Variants in SYCP1 observed in about 807,000 individuals in gnomAD.
SYCP1 encodes the protein synaptonemal complex protein 1.
Under a neutral mutation model 153.1 loss-of-function variants are expected in SYCP1, and 64 were observed. The ratio of observed to expected loss-of-function variants is 0.42; its 90% CI spans 0.34 to 0.51. The LOEUF is 0.51. SYCP1 is among the 20% of genes least tolerant of loss of function. The pLI, the probability that SYCP1 is intolerant of heterozygous loss-of-function variation, is 0.06. For synonymous variants in SYCP1, 384 were observed against 341.8 expected (o/e 1.12, Z -1.36); for missense variants, 997 against 1,049.0 (o/e 0.95, Z 0.68).
chr1:114,870,436 T>TTG (rs151079896), intron 8 of SYCP1, among the ~76,000 whole-genome samples: 7,315 of 152,316 alleles, frequency 0.048, 221 homozygotes, highest in African/African-American at 0.064. Context: ...ATGTCTCCTT[T>TTG]TGTAAGGTGT....
At chr1:114,979,496 T>C (rs1357659107) in intron 28 of SYCP1, among the ~76,000 whole-genome samples, 1 of 151,704 alleles carries the variant, frequency 6.6e-6, no homozygotes, top group Non-Finnish European at 1.5e-5. Flanking sequence ...CACAAGGTGG[T>C]GCAGTGACCT....
chr1:114,952,977 A>G (rs1279417982), intron 27 of SYCP1, among the ~76,000 whole-genome samples: 2 of 152,214 alleles, frequency 1.3e-5, no homozygotes, highest in African/African-American at 4.8e-5. Context: ...TCAAGGTGCC[A>G]GCATCTGGTG....
chr1:114,873,671 T>C (rs1198369711), intron 8 of SYCP1, among the ~76,000 whole-genome samples: 6 of 152,226 alleles, frequency 3.9e-5, no homozygotes, highest in Non-Finnish European at 8.8e-5. Flanking sequence ...TTTTCCTATG[T>C]TCATTGTGAG....
chr1:114,944,930 A>G lies in SYCP1; in HGVS notation c.2102A>G (p.Lys701Arg). The change falls in exon 25 of 32, where the codon AAG (lysine) becomes AGG (arginine). Residue 701 changes from lysine to arginine, a missense_variant. Lys to Arg is a conservative substitution (Grantham distance 26). Coordinates refer to ENST00000369522, the MANE Select transcript of SYCP1 (RefSeq NM_003176.4). Reference protein sequence around the residue: ...EAVKLQKEIDKRCQHKIAEMV... With the variant: ...EAVKLQKEIDRRCQHKIAEMV... ...GTAAAATTACAGAAAGAAATTGATA[A>G]GCGATGTCAACATAAAATAGCTGAA... 6.2e-7 allele frequency: 1 copy of G among 1,606,304 alleles called. No homozygotes were observed. Among genetic ancestry groups the G allele is most frequent in the Non-Finnish European group, 8.5e-7 (1 of 1,177,042 alleles).
At chr1:114,938,945 G>A (rs945268987) in intron 23 of SYCP1, among the ~76,000 whole-genome samples, 31 of 152,144 alleles carry the variant, frequency 2.0e-4, no homozygotes, top group African/African-American at 5.5e-4. Flanking sequence ...TGGAATTCTC[G>A]AGCACTGTTG....
chr1:114,927,447 T>C (rs1669333068), intron 23 of SYCP1, among the ~76,000 whole-genome samples: 1 of 152,196 alleles, frequency 6.6e-6, no homozygotes, highest in African/African-American at 2.4e-5. Context: ...ATAAAGTCTT[T>C]TATGCAGCTA....
intron 28 of SYCP1, 65 bp downstream of exon 28, chr1:114,977,681 G>C: frequency 9.5e-7 from 1 of 1,050,748 alleles, no homozygotes; most frequent in Non-Finnish European, 1.3e-6. Flanking sequence ...ACTTAGAAAT[G>C]ATTTTTTGTT....
intron 30 of SYCP1, among the ~76,000 whole-genome samples, chr1:114,986,902 A>C (rs1673552500): frequency 6.6e-6 from 1 of 151,986 alleles, no homozygotes; most frequent in African/African-American, 2.4e-5. Flanking sequence ...ATATGATAGC[A>C]GCTACCAGTC....
At chr1:114,926,748 A>G (rs888579493) in intron 23 of SYCP1, among the ~76,000 whole-genome samples, 185 bp downstream of exon 23, 7 of 152,210 alleles carry the variant, frequency 4.6e-5, no homozygotes, top group South Asian at 2.1e-4. Flanking sequence ...TAGAGTACAC[A>G]TCTGTGATTT....
intron 28 of SYCP1, among the ~76,000 whole-genome samples, chr1:114,980,940 T>A (rs1673110715): frequency 6.6e-6 from 1 of 151,930 alleles, no homozygotes; most frequent in Non-Finnish European, 1.5e-5. Context: ...CCATCCTGCA[T>A]GCTCCCATAG....
chr1:114,856,761 A>G (rs1251635161), intron 3 of SYCP1, 104 bp downstream of exon 3: 1 of 840,240 alleles, frequency 1.2e-6, no homozygotes, highest in African/African-American at 1.7e-5. Flanking sequence ...AGTATAATTG[A>G]CACAAAAGCT....
intron 15 of SYCP1, among the ~76,000 whole-genome samples, chr1:114,892,792 G>A (rs973810288): frequency 2.0e-5 from 3 of 152,070 alleles, no homozygotes; most frequent in Admixed American, 1.3e-4. Context: ...AGCCAGCAGT[G>A]AGTATTGGCA....
chr1:114,891,757 T>C (rs1192705782), intron 15 of SYCP1, among the ~76,000 whole-genome samples: 1 of 152,202 alleles, frequency 6.6e-6, no homozygotes, highest in Non-Finnish European at 1.5e-5. Context: ...GCTTTGATTA[T>C]CAGATATATA....
At chr1:114,974,568 T>C (rs1226414516) in intron 27 of SYCP1, among the ~76,000 whole-genome samples, 1 of 151,872 alleles carries the variant, frequency 6.6e-6, no homozygotes, top group African/African-American at 2.4e-5. Flanking sequence ...GAATACTTTA[T>C]ATGAGTGGAA....
chr1:114,871,388 G>C (rs1665112849), intron 8 of SYCP1, among the ~76,000 whole-genome samples: 1 of 151,802 alleles, frequency 6.6e-6, no homozygotes, highest in Non-Finnish European at 1.5e-5. Context: ...GGCTGGTCTT[G>C]AACTCTTGAC....
At chr1:114,906,922 AG>A (rs1374930797) in intron 16 of SYCP1, among the ~76,000 whole-genome samples, 4 of 152,168 alleles carry the variant, frequency 2.6e-5, no homozygotes, top group Admixed American at 1.3e-4. Flanking sequence ...ATTTACTGAG[AG>A]AAGAGTTAAA....
chr1:114,857,014 C>T (rs1210727396), intron 3 of SYCP1, among the ~76,000 whole-genome samples: 1 of 147,302 alleles, frequency 6.8e-6, no homozygotes, highest in Non-Finnish European at 1.5e-5. Context: ...GTCCCAGCTA[C>T]TTGGGAGGCT....
intron 8 of SYCP1, among the ~76,000 whole-genome samples, chr1:114,863,764 G>A (rs544737197): frequency 1.1e-4 from 17 of 152,144 alleles, no homozygotes; most frequent in Non-Finnish European, 1.2e-4. Flanking sequence ...AGCCTTTGCC[G>A]ACTTTTTGAA....
chr1:114,874,791 A>G (rs1665397782), intron 9 of SYCP1, among the ~76,000 whole-genome samples: 1 of 152,224 alleles, frequency 6.6e-6, no homozygotes, highest in African/African-American at 2.4e-5. Flanking sequence ...TTTATCAAAT[A>G]TTTACTGCCT....
Sources: allele counts gnomAD v4.1 joint callset (sites outside exome capture counted in the v4.1 genomes callset), GRCh38; gene constraint gnomAD v4.1.1; transcripts MANE v1.5; gene names NCBI Gene and HGNC (gene_info 2026-07-23, HGNC 2026-07-21).